NTNG1: variants seen among roughly 807,000 people sequenced by gnomAD.
The protein encoded by NTNG1 is netrin-G1.
In NTNG1, 16 loss-of-function variants were observed where a neutral mutation model predicts 54.0. The observed-to-expected ratio is 0.30, with a 90% CI of 0.20 to 0.45. The LOEUF (loss-of-function observed/expected upper bound fraction) is 0.45. NTNG1 is among the 20% of genes least tolerant of loss of function. NTNG1 has a pLI of 1.00. For synonymous variants in NTNG1, 255 were observed against 263.1 expected (o/e 0.97, Z 0.30); for missense variants, 530 against 678.7 (o/e 0.78, Z 2.43).
At chr1:107,439,489 T>C (rs1675827308) in intron 7 of NTNG1, among the ~76,000 whole-genome samples, 1 of 152,064 alleles carries the variant, frequency 6.6e-6, no homozygotes, top group African/African-American at 2.4e-5. Context: ...AGGAACAGAT[T>C]TGTTTTTAAA....
chr1:107,324,042 GATAA>G (rs1300627765), intron 2 of NTNG1, among the ~76,000 whole-genome samples: 3 of 151,850 alleles, frequency 2.0e-5, no homozygotes, highest in Non-Finnish European at 2.9e-5. Context: ...ACACATATGG[GATAA>G]ATAAACTGTT....
chr1:107,374,720 GT>G (rs1442726323), intron 3 of NTNG1, among the ~76,000 whole-genome samples: 2 of 152,016 alleles, frequency 1.3e-5, no homozygotes, highest in African/African-American at 4.8e-5. Flanking sequence ...TTGATTATTT[GT>G]GTCATTTTTC....
At chr1:107,245,503 T>C (rs1662135544) in intron 2 of NTNG1, among the ~76,000 whole-genome samples, 1 of 152,224 alleles carries the variant, frequency 6.6e-6, no homozygotes, top group African/African-American at 2.4e-5. Context: ...TAAATTGAAA[T>C]GATTTTTCAA....
chr1:107,330,951 G>C (rs1215163194), intron 3 of NTNG1: 4 of 152,074 alleles, frequency 2.6e-5, no homozygotes, highest in African/African-American at 9.7e-5. Flanking sequence ...CATTCTAATA[G>C]TCCCCACTCA....
At chr1:107,301,976 GC>G (rs1250260248) in intron 2 of NTNG1, among the ~76,000 whole-genome samples, 2 of 152,086 alleles carry the variant, frequency 1.3e-5, no homozygotes, top group Non-Finnish European at 2.9e-5. Flanking sequence ...CTTGCTGTTT[GC>G]CAGCTCTTTC....
chr1:107,167,324 G>A (rs908876563), intron 2 of NTNG1, among the ~76,000 whole-genome samples: 12 of 150,802 alleles, frequency 8.0e-5, no homozygotes, highest in African/African-American at 2.7e-4. Context: ...ACAGAACATC[G>A]GCATTACCTT....
At chr1:107,468,363 C>T (rs1046215958) in intron 7 of NTNG1, among the ~76,000 whole-genome samples, 1 of 152,058 alleles carries the variant, frequency 6.6e-6, no homozygotes, top group Non-Finnish European at 1.5e-5. Flanking sequence ...TTTAAAAAAA[C>T]GCGTATTTGA....
intron 2 of NTNG1, among the ~76,000 whole-genome samples, chr1:107,165,537 A>G (rs899911713): frequency 1.3e-5 from 2 of 152,138 alleles, no homozygotes; most frequent in Non-Finnish European, 2.9e-5. Context: ...TGTAATTATT[A>G]GTTACTAGTC....
intron 2 of NTNG1, among the ~76,000 whole-genome samples, chr1:107,189,853 A>G (rs1417322164): frequency 6.6e-6 from 1 of 151,286 alleles, no homozygotes; most frequent in Non-Finnish European, 1.5e-5. Context: ...TTACTGGATC[A>G]GGTATTTGTG....
At chr1:107,218,270 C>T (rs1337411334) in intron 2 of NTNG1, among the ~76,000 whole-genome samples, 1 of 152,130 alleles carries the variant, frequency 6.6e-6, no homozygotes, top group Non-Finnish European at 1.5e-5. Flanking sequence ...AGAATAGCTA[C>T]TCCTGGTGGA....
At chr1:107,412,300 C>T (rs1419211559) in intron 5 of NTNG1, among the ~76,000 whole-genome samples, 4 of 152,178 alleles carry the variant, frequency 2.6e-5, no homozygotes, top group Non-Finnish European at 5.9e-5. Context: ...TCTTCTTGGA[C>T]TATCAATGGA....
At chr1:107,288,864 A>G (rs917722694) in intron 2 of NTNG1, among the ~76,000 whole-genome samples, 6 of 152,190 alleles carry the variant, frequency 3.9e-5, no homozygotes, top group African/African-American at 1.4e-4. Context: ...ATCAAGGTTC[A>G]ATGATTGTCT....
rs1553209863 is a variant in NTNG1, at chr1:107,249,159, C to CAGTAAT, written c.247-75122_247-75121insGTAATA. Among the ~76,000 whole-genome samples, 5 of 143,824 alleles carry CAGTAAT rather than the reference C, an allele frequency of 3.5e-5. No individual in the cohort carries two copies. In the East Asian group the frequency reaches 1.0e-3, roughly 29 times the overall value. The allele number at this position is 143,824 out of a possible 152,430, so 94.4% of individuals were successfully genotyped here. ...GGGTGACAAGAGTGAGACTCTATCT[C>CAGTAAT]AATAATAATAATAATAATAATAATT... On this transcript the variant is annotated intron_variant, in intron 2 of 7. Transcript: ENST00000370068.
chr1:107,480,666 C>T lies in NTNG1; in HGVS notation c.1446C>T (p.Asn482=). 6.7e-7 allele frequency: 1 copy of T among 1,497,344 alleles called. No homozygotes were observed. 92.8% of individuals were successfully genotyped at this position (1,497,344 alleles called of 1,614,324 possible). Residue 482 remains asparagine (N), a synonymous_variant, in exon 8 of 8, where the codon AAC becomes AAT. Coordinates refer to ENST00000370068, the MANE Select transcript of NTNG1 (RefSeq NM_001113226.3). ...GCCAGAACGGAGGGACGTGCCACAA[C>T]AACGTGCGCTGCCTGTGCCCGGCCG... ...LHCQNGGTCH[N]NVRCLCPAAY... is the part of the protein sequence containing the mutation.
intron 7 of NTNG1, among the ~76,000 whole-genome samples, chr1:107,437,647 C>T (rs895088760): frequency 3.3e-5 from 5 of 152,070 alleles, no homozygotes; most frequent in African/African-American, 9.7e-5. Context: ...ATTTTAGATG[C>T]TTTTGCTTTC....
At chr1:107,196,237 A>G (rs1470048863) in intron 2 of NTNG1, among the ~76,000 whole-genome samples, 1 of 151,940 alleles carries the variant, frequency 6.6e-6, no homozygotes, top group Non-Finnish European at 1.5e-5. Context: ...CTTATGTTTA[A>G]ACATACCTCT....
intron 2 of NTNG1, among the ~76,000 whole-genome samples, chr1:107,208,075 G>A (rs931834660): frequency 6.6e-6 from 1 of 152,152 alleles, no homozygotes. Flanking sequence ...TGCTCAAGGC[G>A]TCGAAGGCAT....
intron 5 of NTNG1, among the ~76,000 whole-genome samples, chr1:107,423,398 A>T (rs76023411): frequency 1.3e-5 from 2 of 151,998 alleles, no homozygotes; most frequent in Non-Finnish European, 2.9e-5. Flanking sequence ...TGAAAAGCCT[A>T]CAATGCACAG....
At chr1:107,403,360 T>A (rs1421963618) in intron 4 of NTNG1, among the ~76,000 whole-genome samples, 1 of 152,242 alleles carries the variant, frequency 6.6e-6, no homozygotes, top group East Asian at 1.9e-4. Flanking sequence ...GACATTTCTG[T>A]TCTAGAAGAA....
Sources: allele counts gnomAD v4.1 joint callset (sites outside exome capture counted in the v4.1 genomes callset), GRCh38; gene constraint gnomAD v4.1.1; transcripts MANE v1.5; gene names NCBI Gene and HGNC (gene_info 2026-07-23, HGNC 2026-07-21).